Variants in CCDC27 observed in about 807,000 individuals in gnomAD.
CCDC27 encodes coiled-coil domain containing 27, also known as coiled-coil domain-containing protein 27.
A neutral mutation model predicts 80.3 loss-of-function variants in CCDC27; 80 were observed. The ratio of observed to expected loss-of-function variants is 1.00; its 90% CI spans 0.83 to 1.20. CCDC27 has a LOEUF of 1.20. Ranked by LOEUF, CCDC27 falls within the 50% of genes most tolerant of loss-of-function variation. The probability of loss-of-function intolerance (pLI) is 0.00; values close to 1 mark genes in which losing one functional copy is unlikely to be tolerated. For missense variants in CCDC27, 815 were observed against 809.4 expected (o/e 1.01, Z -0.08); for synonymous variants, 342 against 334.3 (o/e 1.02, Z -0.25).
intron 4 of CCDC27, among the ~76,000 whole-genome samples, chr1:3,758,716 C>G (rs958858362): frequency 1.3e-5 from 2 of 152,196 alleles, no homozygotes; most frequent in Admixed American, 6.5e-5. Flanking sequence ...CCACCTCAGC[C>G]TCTCGAATAG....
At chr1:3,756,444 C>G (rs1446798360) in intron 3 of CCDC27, 1 of 291,544 alleles carries the variant, frequency 3.4e-6, no homozygotes, top group Non-Finnish European at 6.5e-6. Context: ...CGTCCCGACT[C>G]CCAGCTCCGG....
At chr1:3,762,577 C>A (rs2124594218) in intron 5 of CCDC27, 43 bp from the exon 6 acceptor site, 1 of 1,499,946 alleles carries the variant, frequency 6.7e-7, no homozygotes, top group Non-Finnish European at 9.1e-7. Context: ...TGGGGTGCTG[C>A]AGGAGGGGCT....
In CCDC27 at chr1:3,761,192, T is replaced by C; in HGVS notation, c.712-89T>C. On this transcript the variant is annotated intron_variant, in intron 4 of 11. Transcript: ENST00000294600. This position sits in a 1 kb window ranked among gnomAD's most constrained non-coding sequence, Gnocchi z 5.0. Reference sequence around the variant, plus strand: ...GGTTTTGGGGTACCACGACAGCAGATCTGCTCCTCCTGGGTGGGCTGGAGG... The same window carrying C: ...GGTTTTGGGGTACCACGACAGCAGACCTGCTCCTCCTGGGTGGGCTGGAGG... 1 of 1,507,734 alleles carries C rather than the reference T, an allele frequency of 6.6e-7. No homozygotes were observed. Among genetic ancestry groups the C allele is most frequent in the Non-Finnish European group, 9.0e-7 (1 of 1,109,996 alleles). The allele number at this position is 1,507,734 out of a possible 1,614,324, so 93.4% of individuals were successfully genotyped here.
At chr1:3,770,586 C>T (rs931954967) in intron 11 of CCDC27, among the ~76,000 whole-genome samples, 5 of 152,226 alleles carry the variant, frequency 3.3e-5, no homozygotes, top group African/African-American at 9.6e-5. Flanking sequence ...GAAGGGGTCA[C>T]CTCTCACCAG....
rs1338206783 is a variant in CCDC27, at chr1:3,752,562, C to A, written c.81C>A (p.Phe27Leu). 6.2e-7 allele frequency: 1 copy of A among 1,614,090 alleles called. No individual in the cohort carries two copies. Among genetic ancestry groups the A allele is most frequent in the Non-Finnish European group, 8.5e-7 (1 of 1,180,062 alleles). The change falls in exon 1 of 12, where the codon TTC becomes TTA. Residue 27 changes from phenylalanine to leucine, a missense_variant. Transcript: ENST00000294600. ...GGGAAAAGCCGGGCCTGTCCTCATT[C>A]AGGTCCACATTCAGGCAACAAAGCT... ...DPREKPGLSS[F>L]RSTFRQQSSL...
chr1:3,771,313 G>A lies in CCDC27; in HGVS notation c.1849-88G>A, dbSNP rs1205206246. ...GAGGAGGAGGAGAGGGTGGCGTCCC[G>A]GGCAGCTGGCACGGACTGTGCAGAC... On this transcript the variant is annotated intron_variant, in intron 11 of 11. Transcript: ENST00000294600. 25 of 1,559,738 alleles carry A rather than the reference G, an allele frequency of 1.6e-5. No individual in the cohort carries two copies. In the East Asian group the frequency reaches 3.9e-4, roughly 24 times the overall value.
chr1:3,757,183 T>C (rs1351937572), intron 4 of CCDC27: 1 of 238,192 alleles, frequency 4.2e-6, no homozygotes, highest in African/African-American at 2.2e-5. Context: ...CTTCAGAGAA[T>C]GTATTCTAAA....
In CCDC27 at chr1:3,766,608, G is replaced by A. The variant is rs758447306; in HGVS notation, c.1526G>A (p.Arg509Gln). The A allele has an allele frequency of 2.3e-5, 37 of 1,612,466 alleles. No individual in the cohort carries two copies. In the East Asian group the frequency reaches 3.1e-4, roughly 14 times the overall value. The change falls in exon 9 of 12, where the codon CGA becomes CAA. Residue 509 changes from arginine to glutamine, a missense_variant. Transcript: ENST00000294600. This position sits in a 1 kb window ranked among gnomAD's most constrained non-coding sequence, Gnocchi z 6.1. Reference sequence around the variant, plus strand: ...ATTGAAAAGGACAACCAGCTCCTCCGACAGGTGACAGCCTGGGTGTCGTTA... The same window carrying A: ...ATTGAAAAGGACAACCAGCTCCTCCAACAGGTGACAGCCTGGGTGTCGTTA... ...GLIEKDNQLL[R>Q]QQVSELERKL...
At chr1:3,753,325 T>C (rs1381117715) in intron 1 of CCDC27, among the ~76,000 whole-genome samples, 5 of 112,222 alleles carry the variant, frequency 4.5e-5, no homozygotes, top group Admixed American at 1.1e-4. Flanking sequence ...TTTTTCTTTT[T>C]TTTTTTTTTT....
At chr1:3,756,164 A>T (rs1642947262) in intron 3 of CCDC27, 1 of 154,434 alleles carries the variant, frequency 6.5e-6, no homozygotes, top group African/African-American at 2.4e-5. Flanking sequence ...AGATGGTGAA[A>T]CCCCGTCTCT....
intron 1 of CCDC27, among the ~76,000 whole-genome samples, chr1:3,753,867 T>G (rs1003510130): frequency 6.6e-6 from 1 of 151,940 alleles, no homozygotes; most frequent in Non-Finnish European, 1.5e-5. Flanking sequence ...CTGTCTAGGC[T>G]TCAGGATGCC....
chr1:3,763,787 A>C lies in CCDC27; in HGVS notation c.1403A>C (p.Gln468Pro), dbSNP rs777148175. Reference sequence around the variant, plus strand: ...ATCAATACGGAAAATGAGACGCTGCAGAAGGAGCTCCGAGAGCGGAGGCAG... The same window carrying C: ...ATCAATACGGAAAATGAGACGCTGCCGAAGGAGCTCCGAGAGCGGAGGCAG... ...RKINTENETL[Q>P]KELRERRQQL... is the part of the protein sequence containing the mutation. Residue 468 changes from glutamine to proline, a missense_variant, in exon 8 of 12, where the codon CAG becomes CCG. Transcript: ENST00000294600. This position sits in a 1 kb window ranked among gnomAD's most constrained non-coding sequence, Gnocchi z 7.5. The C allele has an allele frequency of 1.3e-5, 21 of 1,614,174 alleles. No homozygotes were observed. Among genetic ancestry groups the C allele is most frequent in the Non-Finnish European group, 1.8e-5 (21 of 1,179,994 alleles).
intron 4 of CCDC27, 80 bp downstream of exon 4, chr1:3,756,970 C>A: frequency 6.7e-7 from 1 of 1,490,158 alleles, no homozygotes; most frequent in Non-Finnish European, 9.1e-7. Context: ...TGCTCCCTGA[C>A]AGGCTCTGGT....
In CCDC27 at chr1:3,769,264, G is replaced by A. The variant is rs1011803976; in HGVS notation, c.1744-519G>A. On this transcript the variant is annotated intron_variant, in intron 10 of 11. Transcript: ENST00000294600. The surrounding 1 kb of genome is among the most constrained non-coding windows in gnomAD (Gnocchi z 4.6). ...AGCAGAAGACGAGAACGCCTTCTGGGTCTGTGCGCGGGGGCCAGGTTCAAC... is the reference window on the plus strand; with the variant it reads ...AGCAGAAGACGAGAACGCCTTCTGGATCTGTGCGCGGGGGCCAGGTTCAAC... Among the ~76,000 whole-genome samples, 4 of 152,100 alleles carry A rather than the reference G, an allele frequency of 2.6e-5. No individual in the cohort carries two copies. Among genetic ancestry groups the A allele is most frequent in the Admixed American group, 6.5e-5 (1 of 15,274 alleles).
rs1411993127 is a variant in CCDC27, at chr1:3,769,370, TGA to T, written c.1744-409_1744-408del. Among the ~76,000 whole-genome samples, 1 of 151,976 alleles carries T rather than the reference TGA, an allele frequency of 6.6e-6. No homozygotes were observed. The highest frequency in any genetic ancestry group is 1.5e-5 in the Non-Finnish European group (1 of 67,984). On this transcript the variant is annotated intron_variant, in intron 10 of 11. Coordinates refer to ENST00000294600, the MANE Select transcript of CCDC27 (RefSeq NM_152492.3). The surrounding 1 kb of genome is among the most constrained non-coding windows in gnomAD (Gnocchi z 4.6). ...GCAGCGCACTGTTAAATGCCTAAAG[TGA>T]GAGTGTCCCCAAGGGCCAGGAAGTC...
At chr1:3,765,035 CAAAA>C (rs57991746) in intron 8 of CCDC27, among the ~76,000 whole-genome samples, 3 of 115,094 alleles carry the variant, frequency 2.6e-5, no homozygotes, top group Admixed American at 9.1e-5. Flanking sequence ...AACTCCATCT[CAAAA>C]AAAAAAAAAA....
intron 2 of CCDC27, 112 bp downstream of exon 2, chr1:3,754,353 C>G: frequency 3.8e-6 from 5 of 1,310,476 alleles, no homozygotes; most frequent in Non-Finnish European, 4.1e-6. Context: ...TTGGCCTCCA[C>G]AGTGGCCCCA....
rs375429465 is a variant in CCDC27, at chr1:3,763,334, A to G, written c.1181A>G (p.Glu394Gly). The G allele has an allele frequency of 1.3e-4, 214 of 1,612,766 alleles. No homozygotes were observed. The highest frequency in any genetic ancestry group is 1.7e-4 in the Non-Finnish European group (206 of 1,179,808). Residue 394 changes from glutamate to glycine, a missense_variant, in exon 7 of 12, where the codon GAG (glutamate) becomes GGG (glycine). Coordinates refer to ENST00000294600, the MANE Select transcript of CCDC27 (RefSeq NM_152492.3). This position sits in a 1 kb window ranked among gnomAD's most constrained non-coding sequence, Gnocchi z 7.5. ...SEERELPEEEEIPRRRASSLA... is the reference protein window; with the variant it reads ...SEERELPEEEGIPRRRASSLA... The stretch of plus-strand genomic sequence containing the variant: ...GAAAGGGAGCTGCCGGAGGAAGAGG[A>G]GATCCCCAGGAGAAGGGCCTCCTCC...
Position 3,763,963 on chromosome 1 carries a change from C to T in CCDC27, c.1452+127C>T. The T allele has an allele frequency of 7.0e-7, 1 of 1,427,242 alleles. No homozygotes were observed. The highest frequency in any genetic ancestry group is 9.3e-7 in the Non-Finnish European group (1 of 1,075,652). 88.4% of individuals were successfully genotyped at this position (1,427,242 alleles called of 1,614,324 possible). ...ATGGAGACTTTGAGCCTGGGGTGTCCAGGCAGCTGGCCCAGGGTTGTGCGG... is the reference window on the plus strand; with the variant it reads ...ATGGAGACTTTGAGCCTGGGGTGTCTAGGCAGCTGGCCCAGGGTTGTGCGG... On this transcript the variant is annotated intron_variant, in intron 8 of 11. Coordinates refer to ENST00000294600, the MANE Select transcript of CCDC27 (RefSeq NM_152492.3). This position sits in a 1 kb window ranked among gnomAD's most constrained non-coding sequence, Gnocchi z 7.5.
Sources: allele counts gnomAD v4.1 joint callset (sites outside exome capture counted in the v4.1 genomes callset), GRCh38; gene constraint gnomAD v4.1.1; non-coding constraint Gnocchi (gnomAD v3.1); transcripts MANE v1.5; gene names NCBI Gene and HGNC (gene_info 2026-07-23, HGNC 2026-07-21).